B3GALT1: variants seen among roughly 807,000 people sequenced by gnomAD.
B3GALT1 encodes the protein UDP-Gal:betaGlcNAc beta 1,3-galactosyltransferase, polypeptide 1.
A neutral mutation model predicts 23.2 loss-of-function variants in B3GALT1; 10 were observed. The ratio of observed to expected loss-of-function variants is 0.43; its 90% CI spans 0.27 to 0.73. B3GALT1 has a LOEUF of 0.73. B3GALT1 is among the 30% of genes least tolerant of loss of function. The pLI, the probability that B3GALT1 is intolerant of heterozygous loss-of-function variation, is 0.21. For missense variants in B3GALT1, 299 were observed against 405.4 expected (o/e 0.74, Z 2.25); for synonymous variants, 156 against 141.5 (o/e 1.10, Z -0.73).
At chr2:167,389,909 C>CAAAAAAAAA (rs141871874) in intron 1 of B3GALT1, among the ~76,000 whole-genome samples, 7 of 112,576 alleles carry the variant, frequency 6.2e-5, no homozygotes, top group East Asian at 2.7e-4. Flanking sequence ...ATACCCTGTC[C>CAAAAAAAAA]AAAAAAAAAA....
chr2:167,860,982 C>T (rs761170587), intron 4 of B3GALT1, among the ~76,000 whole-genome samples: 7 of 151,668 alleles, frequency 4.6e-5, no homozygotes, highest in African/African-American at 1.5e-4. Flanking sequence ...GTTGGTTTAC[C>T]GAAACCCAAG....
chr2:167,809,570 G>T (rs1202284442), intron 3 of B3GALT1, among the ~76,000 whole-genome samples: 2 of 152,200 alleles, frequency 1.3e-5, no homozygotes, highest in Non-Finnish European at 2.9e-5. Flanking sequence ...GTTTGCCTGG[G>T]TATCAGCAGC....
intron 4 of B3GALT1, among the ~76,000 whole-genome samples, chr2:167,831,672 A>T (rs936166056): frequency 5.3e-5 from 8 of 152,236 alleles, no homozygotes; most frequent in African/African-American, 1.9e-4. Flanking sequence ...GTGCTTTCTC[A>T]GTCATCTCAT....
rs115375386 is a variant in B3GALT1 at position 167,764,715 on chromosome 2, C to T, written c.-351-53957C>T. ...ATTAGCAAAAGGGCCTAAAACATAA[C>T]AGTGCAAATAATGAATGCAAATAAG... On this transcript the variant is annotated intron_variant, in intron 3 of 4. Transcript: ENST00000392690. 6.1e-3 allele frequency among the ~76,000 whole-genome samples: 933 copies of T among 152,232 alleles called. 9 individuals carry two copies. The highest frequency in any genetic ancestry group is 0.021 in the African/African-American group (885 of 41,554).
chr2:167,574,757 T>C (rs1009072864), intron 2 of B3GALT1, among the ~76,000 whole-genome samples: 3 of 151,786 alleles, frequency 2.0e-5, no homozygotes, highest in Non-Finnish European at 4.4e-5. Context: ...TATGAATTAA[T>C]TTGAAGCAAG....
At chr2:167,767,795 A>G (rs891645194) in intron 3 of B3GALT1, among the ~76,000 whole-genome samples, 1 of 152,176 alleles carries the variant, frequency 6.6e-6, no homozygotes, top group African/African-American at 2.4e-5. Context: ...AAAGTTTTCT[A>G]CAGAACGAAT....
In B3GALT1 at chr2:167,353,671, C is replaced by G. The variant is rs76444774; in HGVS notation, c.-511+60337C>G. 2.6e-4 allele frequency among the ~76,000 whole-genome samples: 39 copies of G among 152,114 alleles called. 1 individual carries two copies. In the East Asian group the frequency reaches 6.6e-3, roughly 26 times the overall value. On this transcript the variant is annotated intron_variant, in intron 1 of 4. Coordinates refer to ENST00000392690, the MANE Select transcript of B3GALT1 (RefSeq NM_020981.4). ...CATTGCAGAATCCTAGTATGTTAGA[C>G]AAATAACAGTATAAAATTTATATTA...
chr2:167,628,408 A>G (rs1685383010), intron 2 of B3GALT1, among the ~76,000 whole-genome samples: 1 of 148,372 alleles, frequency 6.7e-6, no homozygotes, highest in African/African-American at 2.6e-5. Context: ...TTGTAGTACC[A>G]TTCAATAAAA....
chr2:167,572,629 A>G (rs1215468553), intron 2 of B3GALT1, among the ~76,000 whole-genome samples: 1 of 151,794 alleles, frequency 6.6e-6, no homozygotes, highest in Non-Finnish European at 1.5e-5. Context: ...TCTGGTACAC[A>G]TCTGCCGATT....
At chr2:167,815,177 A>G (rs1320180287) in intron 3 of B3GALT1, 1 of 152,220 alleles carries the variant, frequency 6.6e-6, no homozygotes, top group African/African-American at 2.4e-5. Flanking sequence ...GTTCCTAAGA[A>G]CATGCTCCAG....
At chr2:167,663,731 A>G (rs1021473039) in intron 3 of B3GALT1, among the ~76,000 whole-genome samples, 2 of 151,628 alleles carry the variant, frequency 1.3e-5, no homozygotes, top group South Asian at 4.2e-4. Context: ...GCATTTTTTC[A>G]TGTGTTTTTT....
chr2:167,294,422 G>A (rs1204388699), intron 1 of B3GALT1, among the ~76,000 whole-genome samples: 1 of 152,212 alleles, frequency 6.6e-6, no homozygotes, highest in Non-Finnish European at 1.5e-5. Flanking sequence ...AGTTCCACCC[G>A]TGCTGCAAAG....
chr2:167,827,964 C>T (rs1689264325), intron 4 of B3GALT1, among the ~76,000 whole-genome samples: 1 of 152,150 alleles, frequency 6.6e-6, no homozygotes, highest in South Asian at 2.1e-4. Flanking sequence ...GCATTCAGCC[C>T]CCTCCCCTGC....
chr2:167,306,423 G>A (rs1038427575), intron 1 of B3GALT1, among the ~76,000 whole-genome samples: 1 of 151,912 alleles, frequency 6.6e-6, no homozygotes, highest in African/African-American at 2.4e-5. Context: ...TGAAAATAGA[G>A]ATGATTTCCT....
chr2:167,462,471 G>A (rs1699273552), intron 1 of B3GALT1, among the ~76,000 whole-genome samples: 2 of 152,206 alleles, frequency 1.3e-5, no homozygotes, highest in South Asian at 4.1e-4. Flanking sequence ...GACTACATAA[G>A]CTTCTTTATT....
At chr2:167,330,588 C>G (rs192589087) in intron 1 of B3GALT1, among the ~76,000 whole-genome samples, 3 of 152,130 alleles carry the variant, frequency 2.0e-5, no homozygotes, top group Non-Finnish European at 4.4e-5. Flanking sequence ...CCAGTTTAAG[C>G]GACAGAGCGC....
At chr2:167,680,768 G>A (rs1446221858) in intron 3 of B3GALT1, among the ~76,000 whole-genome samples, 12 of 147,898 alleles carry the variant, frequency 8.1e-5, no homozygotes, top group South Asian at 4.3e-4. Context: ...CCGATTATTC[G>A]CGCAGAATTT....
intron 1 of B3GALT1, among the ~76,000 whole-genome samples, chr2:167,312,152 A>G (rs916411648): frequency 1.3e-5 from 2 of 152,046 alleles, no homozygotes; most frequent in African/African-American, 4.8e-5. Context: ...TATTAATAGC[A>G]AACCTATATT....
intron 1 of B3GALT1, among the ~76,000 whole-genome samples, chr2:167,303,221 A>G (rs1292001369): frequency 3.3e-5 from 5 of 152,060 alleles, no homozygotes; most frequent in Non-Finnish European, 7.4e-5. Context: ...CTTTGTAGTT[A>G]TTTTTTCCTT....
Sources: allele counts gnomAD v4.1 joint callset (sites outside exome capture counted in the v4.1 genomes callset), GRCh38; gene constraint gnomAD v4.1.1; transcripts MANE v1.5; gene names NCBI Gene and HGNC (gene_info 2026-07-23, HGNC 2026-07-21).